FGF14: variants seen among roughly 807,000 people sequenced by gnomAD.
FGF14 encodes the protein fibroblast growth factor 14.
In FGF14, 5 loss-of-function variants were observed where a neutral mutation model predicts 25.5. The observed-to-expected ratio is 0.20, with a 90% CI of 0.10 to 0.41. The LOEUF (loss-of-function observed/expected upper bound fraction) is 0.41, where lower values mean the gene tolerates loss of function less well. Among genes scored for constraint, FGF14 ranks in the 10% least tolerant of loss-of-function variants. FGF14 has a pLI of 1.00. For synonymous variants in FGF14, 138 were observed against 118.3 expected (o/e 1.17, Z -1.08); for missense variants, 222 against 320.1 (o/e 0.69, Z 2.34).
chr13:101,807,322 C>T (rs546681661), intron 3 of FGF14, among the ~76,000 whole-genome samples: 1 of 152,162 alleles, frequency 6.6e-6, no homozygotes, highest in South Asian at 2.1e-4. Context: ...ATCAATGCTC[C>T]TCAAGCTGCT....
intron 1 of FGF14, among the ~76,000 whole-genome samples, chr13:101,933,800 A>T (rs2034921004): frequency 1.3e-5 from 2 of 152,070 alleles, no homozygotes; most frequent in Non-Finnish European, 2.9e-5. Flanking sequence ...TTTACATATT[A>T]CTCTTTCTTA....
chr13:102,044,893 T>C (rs947946923), intron 1 of FGF14, among the ~76,000 whole-genome samples: 6 of 152,138 alleles, frequency 3.9e-5, no homozygotes, highest in African/African-American at 1.4e-4. Context: ...CTAGATCTAT[T>C]GGAGAAATTT....
chr13:101,807,800 G>A (rs772381157), intron 3 of FGF14, among the ~76,000 whole-genome samples: 10 of 151,972 alleles, frequency 6.6e-5, no homozygotes, highest in African/African-American at 1.4e-4. Context: ...ATGCTGCCAC[G>A]TCAAAGAGAT....
chr13:101,975,004 G>A (rs1295879566), intron 1 of FGF14, among the ~76,000 whole-genome samples: 11 of 152,174 alleles, frequency 7.2e-5, no homozygotes, highest in Non-Finnish European at 1.6e-4. Context: ...GCAGGGGAGT[G>A]GGGTGGGAAG....
intron 1 of FGF14, among the ~76,000 whole-genome samples, chr13:102,071,833 G>C (rs2043166678): frequency 6.6e-6 from 1 of 152,142 alleles, no homozygotes. Context: ...GGAATAGGAG[G>C]AAGTCCAATT....
At chr13:102,229,682 C>T (rs538744879) in intron 1 of FGF14, among the ~76,000 whole-genome samples, 2 of 152,308 alleles carry the variant, frequency 1.3e-5, no homozygotes, top group South Asian at 4.1e-4. Context: ...TATTCTACCT[C>T]AAGGCTTCTC....
At chr13:102,340,509 C>A (rs1304403425) in intron 1 of FGF14, among the ~76,000 whole-genome samples, 1 of 151,984 alleles carries the variant, frequency 6.6e-6, no homozygotes, top group Non-Finnish European at 1.5e-5. Flanking sequence ...ACAAAATATA[C>A]AAGCCTTTTA....
chr13:101,774,862 G>A (rs1222008895), intron 3 of FGF14, among the ~76,000 whole-genome samples: 3 of 151,684 alleles, frequency 2.0e-5, no homozygotes, highest in Non-Finnish European at 4.4e-5. Context: ...AAACCAGACT[G>A]GCCAACATGG....
At chr13:101,807,405 G>A (rs2041262544) in intron 3 of FGF14, among the ~76,000 whole-genome samples, 1 of 151,998 alleles carries the variant, frequency 6.6e-6, no homozygotes, top group Non-Finnish European at 1.5e-5. Context: ...ATGTTTCCTG[G>A]AATTGGATGA....
chr13:102,245,635 GA>G (rs1270826460), intron 1 of FGF14, among the ~76,000 whole-genome samples: 1 of 151,926 alleles, frequency 6.6e-6, no homozygotes, highest in Non-Finnish European at 1.5e-5. Flanking sequence ...AGGATTTAAT[GA>G]AAAATAATTT....
intron 1 of FGF14, among the ~76,000 whole-genome samples, chr13:102,165,159 G>GA (rs1445104172): frequency 3.3e-5 from 5 of 152,068 alleles, no homozygotes; most frequent in South Asian, 2.1e-4. Context: ...AAAAAGTCAG[G>GA]AAAAAACAGG....
rs969189899 is a variant in FGF14, at chr13:102,056,429, T to C, written c.209-181133A>G. The stretch of plus-strand genomic sequence containing the variant: ...TACCAACAGCAGAGATTAACATTTC[T>C]GTGCTTTTGGTAGAAAAAAGACACA... On this transcript the variant is annotated intron_variant, in intron 1 of 4. Transcript: ENST00000376131. 2.6e-5 allele frequency among the ~76,000 whole-genome samples: 4 copies of C among 152,242 alleles called. No individual in the cohort carries two copies. The South Asian group carries it at 6.2e-4, about 24-fold the overall frequency.
intron 1 of FGF14, among the ~76,000 whole-genome samples, chr13:102,000,157 A>G (rs1163826041): frequency 6.6e-6 from 1 of 152,102 alleles, no homozygotes; most frequent in African/African-American, 2.4e-5. Context: ...CTACTAAAAA[A>G]TACAAAAAAA....
intron 3 of FGF14, among the ~76,000 whole-genome samples, chr13:101,855,656 G>A (rs1311546751): frequency 1.3e-5 from 2 of 151,852 alleles, no homozygotes; most frequent in African/African-American, 4.8e-5. Flanking sequence ...ATCATATTTT[G>A]GACCTGATAG....
intron 2 of FGF14, among the ~76,000 whole-genome samples, chr13:101,873,009 C>A (rs1312720631): frequency 6.6e-6 from 1 of 151,106 alleles, no homozygotes; most frequent in African/African-American, 2.4e-5. Context: ...GTTTTTGCTC[C>A]TTCTACTGCA....
At chr13:102,129,720 G>C (rs1317053537) in intron 1 of FGF14, among the ~76,000 whole-genome samples, 4 of 152,006 alleles carry the variant, frequency 2.6e-5, no homozygotes, top group African/African-American at 9.7e-5. Context: ...ATAGCATTAG[G>C]AGATATACCT....
chr13:101,754,677 C>G (rs969300398), intron 3 of FGF14, among the ~76,000 whole-genome samples: 1 of 151,728 alleles, frequency 6.6e-6, no homozygotes, highest in African/African-American at 2.4e-5. Flanking sequence ...TGCAGTGACC[C>G]GAGATCACAC....
intron 1 of FGF14, among the ~76,000 whole-genome samples, chr13:102,119,070 G>A (rs1211019809): frequency 2.0e-5 from 3 of 152,128 alleles, no homozygotes; most frequent in South Asian, 4.1e-4. Flanking sequence ...AGGGGGATCT[G>A]TCTAACATCA....
chr13:102,010,105 C>G (rs539395813), intron 1 of FGF14, among the ~76,000 whole-genome samples: 3 of 152,070 alleles, frequency 2.0e-5, no homozygotes, highest in African/African-American at 7.2e-5. Flanking sequence ...ACCTCTGGGC[C>G]CTATTTAGTT....
Sources: allele counts gnomAD v4.1 joint callset (sites outside exome capture counted in the v4.1 genomes callset), GRCh38; gene constraint gnomAD v4.1.1; transcripts MANE v1.5; gene names NCBI Gene and HGNC (gene_info 2026-07-23, HGNC 2026-07-21).